The following RAB10 variants were observed in gnomAD, a reference collection of about 807,000 sequenced individuals.
The protein encoded by RAB10 is RAB10, member RAS oncogene family.
Under a neutral mutation model 25.7 loss-of-function variants are expected in RAB10, and 5 were observed. The ratio of observed to expected loss-of-function variants is 0.19; its 90% CI spans 0.10 to 0.41. The LOEUF (loss-of-function observed/expected upper bound fraction) is 0.41. Among genes scored for constraint, RAB10 ranks in the 10% least tolerant of loss-of-function variants. The pLI, the probability that RAB10 is intolerant of heterozygous loss-of-function variation, is 1.00. For missense variants in RAB10, 103 were observed against 245.8 expected, an observed-to-expected ratio of 0.42 and a Z score of 3.89; for synonymous variants, 89 against 86.4, an observed-to-expected ratio of 1.03 and a Z score of -0.16.
chr2:26,116,642 T>C (rs1319414012), intron 3 of RAB10, among the ~76,000 whole-genome samples: 3 of 140,910 alleles, frequency 2.1e-5, no homozygotes, highest in African/African-American at 7.8e-5. Flanking sequence ...CTGCAAGCTC[T>C]GCTTCCTGGG....
At chr2:26,080,415 AATTATTTAG>A (rs1666842022) in intron 1 of RAB10, among the ~76,000 whole-genome samples, 3 of 152,170 alleles carry the variant, frequency 2.0e-5, no homozygotes, top group Admixed American at 2.0e-4. Flanking sequence ...GAAACATGAT[AATTATTTAG>A]TCTGAAAGGA....
chr2:26,036,432 G>C (rs539020207), intron 1 of RAB10, among the ~76,000 whole-genome samples: 2 of 152,236 alleles, frequency 1.3e-5, no homozygotes, highest in South Asian at 4.2e-4. Flanking sequence ...AGGCCTTGGC[G>C]GGCGGATCAC....
intron 1 of RAB10, among the ~76,000 whole-genome samples, chr2:26,070,728 T>A (rs551769799): frequency 1.3e-5 from 2 of 152,326 alleles, no homozygotes; most frequent in South Asian, 4.1e-4. Context: ...TTCTTACAGT[T>A]TAAAAAATGT....
At position 26,127,958 on chromosome 2, in the gene RAB10, T is replaced by G. The variant is rs771819117; in HGVS notation, c.519+7T>G. 8.9e-6 allele frequency: 14 copies of G among 1,571,466 alleles called. 1 individual carries two copies. The South Asian group carries it at 1.6e-4, about 17-fold the overall frequency. On this transcript the variant is annotated splice_region_variant and intron_variant, in intron 5 of 5. Transcript: ENST00000264710. ...TGAAGATATCCTTCGAAAGGTAAGTTCCTGTTTTTATATCCTGCCAGGTAC... is the reference window on the plus strand; with the variant it reads ...TGAAGATATCCTTCGAAAGGTAAGTGCCTGTTTTTATATCCTGCCAGGTAC...
chr2:26,136,394 ATTAATT>A lies in RAB10; in HGVS notation c.*1378_*1383del, dbSNP rs1406440806. 1.3e-5 allele frequency: 2 copies of A among 152,622 alleles called. No individual in the cohort carries two copies. The highest frequency in any genetic ancestry group is 4.8e-5 in the African/African-American group (2 of 41,462). The allele number at this position is 152,622 out of a possible 1,614,324, so 9.5% of individuals were successfully genotyped here. On this transcript the variant is annotated 3_prime_UTR_variant, in exon 6 of 6. Transcript: ENST00000264710. Reference sequence around the variant, plus strand: ...AGATTCAGAAATACTTTAGAATATTATTAATTTTAAGTCCTGTCTTTACATCCTTTT... The same window carrying A: ...AGATTCAGAAATACTTTAGAATATTATTAAGTCCTGTCTTTACATCCTTTT...
chr2:26,040,468 A>G (rs1574523066), intron 1 of RAB10, among the ~76,000 whole-genome samples: 2 of 152,166 alleles, frequency 1.3e-5, no homozygotes, highest in East Asian at 3.9e-4. Flanking sequence ...GTTTGAGACC[A>G]GTCTGGGCAA....
chr2:26,093,987 C>G (rs1667159248), intron 1 of RAB10, among the ~76,000 whole-genome samples: 1 of 151,938 alleles, frequency 6.6e-6, no homozygotes. Context: ...CTTCAACCTC[C>G]TGGACTCAGG....
chr2:26,098,882 TAAGTCC>T (rs1297274827), intron 2 of RAB10, among the ~76,000 whole-genome samples, 160 bp downstream of exon 2: 3 of 152,198 alleles, frequency 2.0e-5, no homozygotes, highest in African/African-American at 7.2e-5. Flanking sequence ...TGCATGGACT[TAAGTCC>T]ATGAGATCTA....
rs1667280769 is a variant in RAB10 at position 26,098,733 on chromosome 2, CT to C, written c.188+12del. ...CAAGCTACAGATATGGTAAGTGATG[CT>C]AATTTACTTTATGTAGCAGAATGTC... On this transcript the variant is annotated intron_variant, in intron 2 of 5. Coordinates refer to ENST00000264710, the MANE Select transcript of RAB10 (RefSeq NM_016131.5). 1 of 1,564,774 alleles carries C rather than the reference CT, an allele frequency of 6.4e-7. No homozygotes were observed. Among genetic ancestry groups the C allele is most frequent in the African/African-American group, 1.4e-5 (1 of 73,568 alleles).
intron 1 of RAB10, among the ~76,000 whole-genome samples, chr2:26,068,072 C>T (rs1574536098): frequency 6.6e-6 from 1 of 152,074 alleles, no homozygotes; most frequent in Non-Finnish European, 1.5e-5. Context: ...GTCAGGTGGC[C>T]TAGAGAATGC....
In RAB10 at chr2:26,034,588, G is replaced by C. The variant is rs781169179; in HGVS notation, c.-21G>C. 19 of 1,612,452 alleles carry C rather than the reference G, an allele frequency of 1.2e-5. No homozygotes were observed. Among genetic ancestry groups the C allele is most frequent in the Admixed American group, 1.2e-4 (7 of 59,996 alleles). Reference sequence around the variant, plus strand: ...GATCCCTTGGGGCCGCCGGCGGCGAGAGCCCGAGCCGCTCCTCCCAATGGC... The same window carrying C: ...GATCCCTTGGGGCCGCCGGCGGCGACAGCCCGAGCCGCTCCTCCCAATGGC... On this transcript the variant is annotated 5_prime_UTR_variant, in exon 1 of 6. Coordinates refer to ENST00000264710, the MANE Select transcript of RAB10 (RefSeq NM_016131.5).
At chr2:26,037,702 G>T (rs944530308) in intron 1 of RAB10, among the ~76,000 whole-genome samples, 18 of 152,028 alleles carry the variant, frequency 1.2e-4, no homozygotes, top group African/African-American at 4.3e-4. Flanking sequence ...GGATTTTAGG[G>T]GTTAGTGAGA....
Position 26,136,295 on chromosome 2 carries a change from T to C in RAB10, c.*1274T>C, listed in dbSNP as rs1668111361. ...AAGCAGGAAGGAGGAGTGAATTTTA[T>C]TAACATGTTTGCCAAATGTATTGAG... On this transcript the variant is annotated 3_prime_UTR_variant, in exon 6 of 6. Transcript: ENST00000264710. 3 of 152,764 alleles carry C rather than the reference T, an allele frequency of 2.0e-5. No homozygotes were observed. The South Asian group carries it at 6.2e-4, about 32-fold the overall frequency. 9.5% of individuals were successfully genotyped at this position (152,764 alleles called of 1,614,324 possible). A position where few individuals can be genotyped will look rare whatever the true frequency, so the allele number is the denominator to read the frequency against.
intron 1 of RAB10, among the ~76,000 whole-genome samples, chr2:26,049,434 GT>G (rs899032359): frequency 6.7e-6 from 1 of 149,422 alleles, no homozygotes; most frequent in African/African-American, 2.5e-5. Context: ...TTGAGATGGA[GT>G]TTAGCTCTTG....
intron 1 of RAB10, among the ~76,000 whole-genome samples, chr2:26,049,631 A>G (rs1666090089): frequency 6.6e-6 from 1 of 152,004 alleles, no homozygotes; most frequent in African/African-American, 2.4e-5. Context: ...CTGGTCTCGA[A>G]ATTCTGACCT....
intron 3 of RAB10, among the ~76,000 whole-genome samples, chr2:26,115,785 A>C (rs1667674397): frequency 6.6e-6 from 1 of 152,102 alleles, no homozygotes; most frequent in South Asian, 2.1e-4. Context: ...ATTGAGCTTT[A>C]ATACCTTTCC....
rs1351299080 is a variant in RAB10 at position 26,115,698 on chromosome 2, G to A, written c.327+5792G>A. Among the ~76,000 whole-genome samples the A allele has an allele frequency of 2.0e-5, 3 of 152,056 alleles. No homozygotes were observed. The East Asian group carries it at 5.8e-4, about 29-fold the overall frequency. On this transcript the variant is annotated intron_variant, in intron 3 of 5. Coordinates refer to ENST00000264710, the MANE Select transcript of RAB10 (RefSeq NM_016131.5). ...CCTCGTAAATAACTAAAAAAACACTGAATTGTATATTTTTACAGGGTGAAT... is the reference window on the plus strand; with the variant it reads ...CCTCGTAAATAACTAAAAAAACACTAAATTGTATATTTTTACAGGGTGAAT...
rs1668110998 is a variant in RAB10, at chr2:26,136,265, A to G, written c.*1244A>G. On this transcript the variant is annotated 3_prime_UTR_variant, in exon 6 of 6. Transcript: ENST00000264710. The stretch of plus-strand genomic sequence containing the variant: ...CTAGTACAGGTTGTTTTTTTAAAAA[A>G]GGAAAAGCAGGAAGGAGGAGTGAAT... The G allele has an allele frequency of 6.6e-6, 1 of 152,640 alleles. No homozygotes were observed. Among genetic ancestry groups the G allele is most frequent in the South Asian group, 2.1e-4 (1 of 4,832 alleles). The allele number at this position is 152,640 out of a possible 1,614,324, so 9.5% of individuals were successfully genotyped here.
intron 1 of RAB10, among the ~76,000 whole-genome samples, chr2:26,061,997 T>C (rs1279774675): frequency 6.6e-6 from 1 of 152,074 alleles, no homozygotes; most frequent in South Asian, 2.1e-4. Flanking sequence ...CCATGAACAG[T>C]TGATGGTTCT....
Sources: allele counts gnomAD v4.1 joint callset (sites outside exome capture counted in the v4.1 genomes callset), GRCh38; gene constraint gnomAD v4.1.1; transcripts MANE v1.5; gene names NCBI Gene and HGNC (gene_info 2026-07-23, HGNC 2026-07-21).